SOX13: variants seen among roughly 807,000 people sequenced by gnomAD.
SOX13 encodes the protein SRY-box transcription factor 13, also known as transcription factor SOX-13.
Under a neutral mutation model 71.8 loss-of-function variants are expected in SOX13, and 28 were observed. That is an observed-to-expected ratio of 0.39 (90% CI 0.29 to 0.53). The LOEUF is 0.53. Among genes scored for constraint, SOX13 ranks in the 20% least tolerant of loss-of-function variants. The pLI is 0.70. For synonymous variants in SOX13, 309 were observed against 317.8 expected (o/e 0.97, Z 0.29); for missense variants, 627 against 810.3 (o/e 0.77, Z 2.75).
intron 1 of SOX13, among the ~76,000 whole-genome samples, chr1:204,077,778 A>G (rs1321189436): frequency 6.6e-6 from 1 of 151,926 alleles, no homozygotes; most frequent in Non-Finnish European, 1.5e-5. Flanking sequence ...CTTTTCTACA[A>G]TGGTCGTGAA....
At chr1:204,099,774 T>C (rs1656324571) in intron 1 of SOX13, among the ~76,000 whole-genome samples, 1 of 152,200 alleles carries the variant, frequency 6.6e-6, no homozygotes, top group Non-Finnish European at 1.5e-5. Context: ...CAGATGATTA[T>C]TATGAAGATT....
intron 1 of SOX13, among the ~76,000 whole-genome samples, chr1:204,111,511 A>G (rs923072157): frequency 2.6e-5 from 4 of 152,182 alleles, no homozygotes; most frequent in Admixed American, 2.6e-4. Context: ...AGCTCCTCAG[A>G]TGTCCCAGGC....
At chr1:204,091,152 G>T (rs73069913) in intron 1 of SOX13, among the ~76,000 whole-genome samples, 1 of 152,078 alleles carries the variant, frequency 6.6e-6, no homozygotes, top group African/African-American at 2.4e-5. Context: ...GCTGCCTTCC[G>T]TATTGAACTG....
chr1:204,102,335 G>T (rs1292183222), intron 1 of SOX13, among the ~76,000 whole-genome samples: 1 of 152,208 alleles, frequency 6.6e-6, no homozygotes, highest in African/African-American at 2.4e-5. Context: ...GCAGGAGAAC[G>T]CAAGGGTTAA....
chr1:204,114,496 C>T, intron 3 of SOX13, 23 bp from the exon 4 acceptor site: 1 of 1,610,024 alleles, frequency 6.2e-7, no homozygotes, highest in Non-Finnish European at 8.5e-7. Flanking sequence ...ACGGTTATTC[C>T]TCACCCCTTT....
At chr1:204,125,729 C>A in intron 13 of SOX13, 129 bp from the exon 14 acceptor site, 2 of 1,037,380 alleles carry the variant, frequency 1.9e-6, no homozygotes, top group Non-Finnish European at 2.7e-6. Context: ...AGGCTGGGGG[C>A]AGGGTATATA....
At chr1:204,122,441 G>A (rs766658205) in intron 9 of SOX13, 42 bp downstream of exon 9, 9 of 1,520,372 alleles carry the variant, frequency 5.9e-6, no homozygotes, top group African/African-American at 4.2e-5. Context: ...AGCCCTCTTA[G>A]GGGAGAGCCG....
At chr1:204,114,745 C>A in intron 4 of SOX13, 140 bp downstream of exon 4, 1 of 675,194 alleles carries the variant, frequency 1.5e-6, no homozygotes, top group Non-Finnish European at 2.7e-6. Flanking sequence ...CCTTAGGGGT[C>A]ATCACCATCC....
chr1:204,099,939 C>G (rs923466199), intron 1 of SOX13, among the ~76,000 whole-genome samples: 1 of 151,814 alleles, frequency 6.6e-6, no homozygotes, highest in Non-Finnish European at 1.5e-5. Context: ...GCCAGGAGTT[C>G]AAGACCAGTC....
intron 1 of SOX13, among the ~76,000 whole-genome samples, chr1:204,090,813 G>C (rs952892747): frequency 6.6e-5 from 10 of 152,202 alleles, no homozygotes; most frequent in African/African-American, 2.4e-4. Flanking sequence ...TCTGGGCCCA[G>C]TGTTCTGCTA....
chr1:204,113,211 C>G, intron 2 of SOX13, 77 bp downstream of exon 2: 1 of 1,215,006 alleles, frequency 8.2e-7, no homozygotes, highest in Non-Finnish European at 1.1e-6. Context: ...GGCAGGCCCA[C>G]TCCCCTAGAT....
Position 204,117,128 on chromosome 1 carries a change from A to AAGC in SOX13, c.611_613dup (p.Gln204dup), listed in dbSNP as rs776130202. The AAGC allele has an allele frequency of 2.5e-6, 4 of 1,613,780 alleles. No homozygotes were observed. The highest frequency in any genetic ancestry group is 2.5e-6 in the Non-Finnish European group (3 of 1,179,794). ...TACTCTTTCCCTCTCCCAGATTGCA[A>AAGC]AGCAGCAGCAGCAGCTGATTCAGCA... On this transcript the variant is annotated inframe_insertion, in exon 6 of 14. Transcript: ENST00000367204.
chr1:204,090,021 C>T (rs1326351477), intron 1 of SOX13, among the ~76,000 whole-genome samples: 1 of 152,182 alleles, frequency 6.6e-6, no homozygotes, highest in Non-Finnish European at 1.5e-5. Context: ...GCTGAAGCCC[C>T]CGGGGCCTCT....
At chr1:204,124,902 G>A (rs1455585989) in intron 13 of SOX13, 45 bp downstream of exon 13, 2 of 1,410,288 alleles carry the variant, frequency 1.4e-6, no homozygotes, top group Non-Finnish European at 2.0e-6. Flanking sequence ...GTGTGTACAT[G>A]TGTAGCTCTC....
rs183747931 is a variant in SOX13 at position 204,127,398 on chromosome 1, G to T, written c.*1264G>T. 3.3e-4 allele frequency: 50 copies of T among 152,204 alleles called. No homozygotes were observed. Among genetic ancestry groups the T allele is most frequent in the Non-Finnish European group, 1.0e-4 (7 of 67,976 alleles). The allele number at this position is 152,204 out of a possible 1,614,324, so 9.4% of individuals were successfully genotyped here. A position where few individuals can be genotyped will look rare whatever the true frequency, so the allele number is the denominator to read the frequency against. On this transcript the variant is annotated 3_prime_UTR_variant, in exon 14 of 14. Transcript: ENST00000367204. ...CTCCCCTCCCCCACTCTATACTAGG[G>T]ACTGGATCTCAGCCTCTGATCAGTT...
chr1:204,078,315 G>A (rs563208606), intron 1 of SOX13: 2 of 152,306 alleles, frequency 1.3e-5, no homozygotes, highest in East Asian at 3.9e-4. Flanking sequence ...TCCTCTCTGG[G>A]GGTGCTTTGA....
intron 4 of SOX13, among the ~76,000 whole-genome samples, chr1:204,115,318 A>G (rs989176938): frequency 2.6e-5 from 4 of 151,754 alleles, no homozygotes; most frequent in South Asian, 2.1e-4. Context: ...AGCCAGAATG[A>G]TCATTTTTGC....
At chr1:204,103,464 C>T (rs977763013) in intron 1 of SOX13, among the ~76,000 whole-genome samples, 1 of 152,218 alleles carries the variant, frequency 6.6e-6, no homozygotes, top group East Asian at 1.9e-4. Context: ...AGCCCCCGAG[C>T]CTTAGTCTTT....
chr1:204,104,501 C>T (rs965828981), intron 1 of SOX13, among the ~76,000 whole-genome samples: 2 of 152,214 alleles, frequency 1.3e-5, no homozygotes, highest in African/African-American at 2.4e-5. Flanking sequence ...GTTCTGGGCA[C>T]CCACGCCTTG....
Sources: gnomAD v4.1 joint callset for allele counts (sites outside exome capture counted in the v4.1 genomes callset) on GRCh38, gnomAD v4.1.1 for gene constraint, MANE v1.5 for transcripts, NCBI Gene and HGNC (gene_info 2026-07-23, HGNC 2026-07-21) for gene names.